ALK: variants seen among roughly 807,000 people sequenced by gnomAD.
ALK encodes the protein ALK tyrosine kinase receptor.
In ALK, 74 loss-of-function variants were observed where a neutral mutation model predicts 163.1. The observed-to-expected ratio is 0.45, with a 90% CI of 0.38 to 0.55. The LOEUF is 0.55. Ranked by LOEUF, ALK falls within the 20% of genes least tolerant of loss-of-function variation. The pLI is 0.00. For synonymous variants in ALK, 960 were observed against 843.2 expected, an observed-to-expected ratio of 1.14 and a Z score of -2.40; for missense variants, 2,063 against 2,105.3, an observed-to-expected ratio of 0.98 and a Z score of 0.39.
intron 1 of ALK, among the ~76,000 whole-genome samples, chr2:29,904,508 TAAC>T (rs1030357273): frequency 6.2e-4 from 94 of 152,220 alleles, no homozygotes; most frequent in African/African-American, 2.1e-3. Flanking sequence ...CCTTTATTAA[TAAC>T]AACATCAATA....
rs754270761 is a variant in ALK, at chr2:29,694,838, C to G, written c.952+12G>C. The G allele has an allele frequency of 6.2e-7, 1 of 1,613,400 alleles. No homozygotes were observed. Among genetic ancestry groups the G allele is most frequent in the Non-Finnish European group, 8.5e-7 (1 of 1,179,994 alleles). On this transcript the variant is annotated intron_variant, in intron 3 of 28. Transcript: ENST00000389048. ...GACCCACCCAGGACATCACCAGCAGCCTCTCCCTTACCTCTGGGCATCTCC... is the reference window on the plus strand; with the variant it reads ...GACCCACCCAGGACATCACCAGCAGGCTCTCCCTTACCTCTGGGCATCTCC...
At chr2:29,374,992 G>C (rs1169295985) in intron 5 of ALK, among the ~76,000 whole-genome samples, 2 of 152,184 alleles carry the variant, frequency 1.3e-5, no homozygotes, top group African/African-American at 2.4e-5. Context: ...ACTGCTCCAG[G>C]TGGTGGCACC....
intron 4 of ALK, among the ~76,000 whole-genome samples, chr2:29,468,465 A>G (rs1273039781): frequency 6.6e-6 from 1 of 152,196 alleles, no homozygotes; most frequent in African/African-American, 2.4e-5. Context: ...AGATTTGAAG[A>G]ATATTGGCTT....
chr2:29,836,643 CA>C (rs1323473949), intron 1 of ALK, among the ~76,000 whole-genome samples: 1 of 152,170 alleles, frequency 6.6e-6, no homozygotes, highest in Non-Finnish European at 1.5e-5. Context: ...GCTACTGCAG[CA>C]AATCAGAGCT....
intron 9 of ALK, among the ~76,000 whole-genome samples, chr2:29,278,484 A>T (rs1665601736): frequency 6.6e-6 from 1 of 152,176 alleles, no homozygotes; most frequent in Non-Finnish European, 1.5e-5. Context: ...CACACATCTC[A>T]CACGCCTTCA....
intron 7 of ALK, among the ~76,000 whole-genome samples, 179 bp from the exon 8 acceptor site, chr2:29,318,583 T>C (rs1666905974): frequency 6.6e-6 from 1 of 151,500 alleles, no homozygotes; most frequent in Non-Finnish European, 1.5e-5. Flanking sequence ...TTTTTTTTTT[T>C]TGAGACAGAG....
At chr2:29,292,796 G>A (rs542061725) in intron 9 of ALK, among the ~76,000 whole-genome samples, 5 of 152,122 alleles carry the variant, frequency 3.3e-5, no homozygotes, top group South Asian at 2.1e-4. Flanking sequence ...TCCTTCTATC[G>A]CTTTACATGT....
intron 4 of ALK, among the ~76,000 whole-genome samples, chr2:29,388,671 C>T (rs142362493): frequency 4.5e-4 from 69 of 152,284 alleles, no homozygotes; most frequent in Middle Eastern, 3.4e-3. Context: ...GCTCCATAAG[C>T]GGAGCTATTC....
intron 1 of ALK, among the ~76,000 whole-genome samples, chr2:29,822,757 T>C (rs947127324): frequency 6.6e-6 from 1 of 152,248 alleles, no homozygotes; most frequent in Non-Finnish European, 1.5e-5. Flanking sequence ...TTAGGAGAGC[T>C]GGATTATAGT....
intron 11 of ALK, among the ~76,000 whole-genome samples, chr2:29,256,963 G>C (rs943084008): frequency 6.6e-6 from 1 of 152,206 alleles, no homozygotes; most frequent in African/African-American, 2.4e-5. Context: ...GAGAGACTGT[G>C]TCATAAGCAA....
chr2:29,777,488 C>T (rs1681207901), intron 1 of ALK, among the ~76,000 whole-genome samples: 1 of 152,138 alleles, frequency 6.6e-6, no homozygotes, highest in South Asian at 2.1e-4. Context: ...TTGCTTATTG[C>T]TAGGTACCTA....
At chr2:29,356,853 T>C (rs933450228) in intron 5 of ALK, among the ~76,000 whole-genome samples, 2 of 152,168 alleles carry the variant, frequency 1.3e-5, no homozygotes, top group Admixed American at 6.5e-5. Context: ...ACACCTGAGT[T>C]CAGCCAGGGT....
At chr2:29,541,531 T>A (rs896761445) in intron 3 of ALK, among the ~76,000 whole-genome samples, 1 of 152,206 alleles carries the variant, frequency 6.6e-6, no homozygotes. Flanking sequence ...CCTCAAGTGA[T>A]CCACCTGCCT....
intron 3 of ALK, among the ~76,000 whole-genome samples, chr2:29,533,900 A>G (rs908893984): frequency 7.9e-5 from 12 of 152,194 alleles, no homozygotes; most frequent in African/African-American, 2.4e-5. Flanking sequence ...TCCAGGTGGG[A>G]AGATCCGTAA....
chr2:29,815,450 G>T (rs150624166), intron 1 of ALK, among the ~76,000 whole-genome samples: 2 of 152,078 alleles, frequency 1.3e-5, no homozygotes, highest in Non-Finnish European at 2.9e-5. Context: ...TTTAAAATCT[G>T]GTTGTTGCAA....
intron 3 of ALK, among the ~76,000 whole-genome samples, chr2:29,547,473 T>C (rs1033339984): frequency 6.6e-6 from 1 of 152,186 alleles, no homozygotes; most frequent in African/African-American, 2.4e-5. Context: ...GGCGTGCGCC[T>C]GTAGTCCTAG....
intron 1 of ALK, among the ~76,000 whole-genome samples, chr2:29,859,701 T>C (rs528092948): frequency 5.9e-5 from 9 of 152,194 alleles, no homozygotes; most frequent in Admixed American, 3.3e-4. Context: ...TGTCATAGAT[T>C]TCCAGCCTGC....
chr2:29,797,830 A>C (rs1032560901), intron 1 of ALK, among the ~76,000 whole-genome samples: 8 of 151,312 alleles, frequency 5.3e-5, no homozygotes, highest in Non-Finnish European at 1.2e-4. Context: ...TTTTACTTTC[A>C]CCAAAGCACT....
chr2:29,887,732 G>A (rs762309086), intron 1 of ALK, among the ~76,000 whole-genome samples: 6 of 152,168 alleles, frequency 3.9e-5, no homozygotes, highest in Non-Finnish European at 8.8e-5. Context: ...GGGTAGGAAA[G>A]GCTTGACAAG....
Sources: gnomAD v4.1 joint callset for allele counts (sites outside exome capture counted in the v4.1 genomes callset) on GRCh38, gnomAD v4.1.1 for gene constraint, MANE v1.5 for transcripts, NCBI Gene and HGNC (gene_info 2026-07-23, HGNC 2026-07-21) for gene names.